The following GRIK1 variants were observed in gnomAD, a reference collection of about 807,000 sequenced individuals.
GRIK1 encodes glutamate receptor ionotropic, kainate 1.
Under a neutral mutation model 105.7 loss-of-function variants are expected in GRIK1, and 69 were observed. The ratio of observed to expected loss-of-function variants is 0.65; its 90% CI spans 0.54 to 0.80. The LOEUF is 0.80. Among genes scored for constraint, GRIK1 ranks in the 30% least tolerant of loss-of-function variants. GRIK1 has a pLI of 0.00. For synonymous variants in GRIK1, 438 were observed against 431.3 expected (o/e 1.02, Z -0.19); for missense variants, 1,109 against 1,167.3 (o/e 0.95, Z 0.73).
chr21:29,710,789 CTCCT>C (rs537652425), intron 1 of GRIK1, among the ~76,000 whole-genome samples: 12,405 of 66,798 alleles, frequency 0.19, 1,270 homozygotes, highest in Middle Eastern at 0.25. Flanking sequence ...CCCTCCCTCC[CTCCT>C]TCCTTCCTTC....
In GRIK1 at chr21:29,570,973, T is replaced by C. The variant is rs972073542; in HGVS notation, c.2130+5991A>G. ...TGTAAATACAGTCCTTGATGAGCAA[T>C]GTTGCTCCATATATGAATGACCCTG... On this transcript the variant is annotated intron_variant, in intron 14 of 17. Transcript: ENST00000327783. Among the ~76,000 whole-genome samples, 8 of 151,818 alleles carry C rather than the reference T, an allele frequency of 5.3e-5. No individual in the cohort carries two copies. In the East Asian group the frequency reaches 9.7e-4, roughly 18 times the overall value.
At chr21:29,728,280 T>C (rs1601544005) in intron 1 of GRIK1, among the ~76,000 whole-genome samples, 1 of 152,194 alleles carries the variant, frequency 6.6e-6, no homozygotes, top group East Asian at 1.9e-4. Context: ...GATTGGCTAC[T>C]CATGTGCAGG....
chr21:29,852,707 G>T (rs898986924), intron 1 of GRIK1, among the ~76,000 whole-genome samples: 5 of 152,134 alleles, frequency 3.3e-5, no homozygotes, highest in African/African-American at 1.2e-4. Flanking sequence ...TTTACACAAA[G>T]TAAAGTGTTA....
At chr21:29,906,490 G>A (rs532769281) in intron 1 of GRIK1, among the ~76,000 whole-genome samples, 1 of 152,144 alleles carries the variant, frequency 6.6e-6, no homozygotes, top group Non-Finnish European at 1.5e-5. Flanking sequence ...GTTTTTTAAG[G>A]TAGATTGACA....
intron 1 of GRIK1, among the ~76,000 whole-genome samples, chr21:29,807,299 G>A (rs1188208012): frequency 6.6e-6 from 1 of 152,116 alleles, no homozygotes; most frequent in Non-Finnish European, 1.5e-5. Flanking sequence ...GTGTGAGAAA[G>A]AGACATGTAA....
chr21:29,737,420 A>G (rs1356203774), intron 1 of GRIK1, among the ~76,000 whole-genome samples: 6 of 152,232 alleles, frequency 3.9e-5, no homozygotes, highest in Admixed American at 2.0e-4. Flanking sequence ...GGAAATACTC[A>G]GGCAGAATGA....
At chr21:29,575,481 A>AG (rs780866520) in intron 14 of GRIK1, among the ~76,000 whole-genome samples, 73 of 152,220 alleles carry the variant, frequency 4.8e-4, no homozygotes, top group Non-Finnish European at 9.0e-4. Context: ...GAATGAAAGA[A>AG]GAAAAAGAGT....
At chr21:29,873,784 T>A (rs903935426) in intron 1 of GRIK1, among the ~76,000 whole-genome samples, 1 of 152,218 alleles carries the variant, frequency 6.6e-6, no homozygotes, top group Non-Finnish European at 1.5e-5. Context: ...AATTGGAAAG[T>A]TTCCAACTGA....
chr21:29,811,501 G>GA (rs576254821), intron 1 of GRIK1, among the ~76,000 whole-genome samples: 3 of 152,140 alleles, frequency 2.0e-5, no homozygotes, highest in African/African-American at 7.2e-5. Context: ...TGGGCCCAAA[G>GA]AAAAAAACTA....
At chr21:29,857,608 C>T (rs2068502254) in intron 1 of GRIK1, among the ~76,000 whole-genome samples, 4 of 151,210 alleles carry the variant, frequency 2.6e-5, no homozygotes, top group African/African-American at 9.8e-5. Context: ...AAGACTTCTA[C>T]CCAACAATAA....
chr21:29,710,311 T>A (rs1173138547), intron 1 of GRIK1, among the ~76,000 whole-genome samples: 6 of 152,030 alleles, frequency 3.9e-5, no homozygotes, highest in Non-Finnish European at 7.4e-5. Context: ...TATTAATAAA[T>A]TAGATTTGTA....
At chr21:29,674,533 C>CGG (rs540559776) in intron 3 of GRIK1, among the ~76,000 whole-genome samples, 2 of 151,752 alleles carry the variant, frequency 1.3e-5, no homozygotes, top group East Asian at 3.9e-4. Context: ...CCCCATGTGT[C>CGG]GGGGGGGAAC....
At chr21:29,779,507 G>A (rs1281892604) in intron 1 of GRIK1, among the ~76,000 whole-genome samples, 1 of 152,052 alleles carries the variant, frequency 6.6e-6, no homozygotes, top group Non-Finnish European at 1.5e-5. Context: ...GTGTGTGTGT[G>A]TGTGTGTGTG....
intron 14 of GRIK1, among the ~76,000 whole-genome samples, chr21:29,573,401 G>A (rs538300100): frequency 6.6e-6 from 1 of 152,240 alleles, no homozygotes; most frequent in East Asian, 1.9e-4. Context: ...AGGAGAACCC[G>A]CTCTTTTTAT....
At chr21:29,704,624 A>G (rs1284003311) in intron 1 of GRIK1, among the ~76,000 whole-genome samples, 1 of 152,168 alleles carries the variant, frequency 6.6e-6, no homozygotes, top group Non-Finnish European at 1.5e-5. Context: ...TGCCTCACAA[A>G]GTAGTTTGTT....
At chr21:29,608,455 T>G (rs778971292) in intron 7 of GRIK1, among the ~76,000 whole-genome samples, 17 of 152,166 alleles carry the variant, frequency 1.1e-4, no homozygotes, top group Admixed American at 1.3e-4. Flanking sequence ...TTGGCGAAGT[T>G]TACCCAGCTT....
chr21:29,682,301 T>C (rs1365816270), intron 3 of GRIK1, among the ~76,000 whole-genome samples: 1 of 152,228 alleles, frequency 6.6e-6, no homozygotes, highest in East Asian at 1.9e-4. Context: ...CTAAACATTT[T>C]AGTTCTTTTA....
At chr21:29,583,545 T>A (rs2091067710) in intron 12 of GRIK1, among the ~76,000 whole-genome samples, 1 of 152,206 alleles carries the variant, frequency 6.6e-6, no homozygotes, top group Non-Finnish European at 1.5e-5. Flanking sequence ...GATGAGCTCA[T>A]CACTTCCCTC....
chr21:29,828,083 T>G (rs975084120), intron 1 of GRIK1, among the ~76,000 whole-genome samples: 1 of 151,774 alleles, frequency 6.6e-6, no homozygotes, highest in Admixed American at 6.6e-5. Context: ...GGTAATAGAC[T>G]TTCTCACATG....
Sources: allele counts gnomAD v4.1 joint callset (sites outside exome capture counted in the v4.1 genomes callset), GRCh38; gene constraint gnomAD v4.1.1; transcripts MANE v1.5; gene names NCBI Gene and HGNC (gene_info 2026-07-23, HGNC 2026-07-21).